IRAK2: variants seen among roughly 807,000 people sequenced by gnomAD.
IRAK2 encodes interleukin 1 receptor associated kinase 2, also known as interleukin-1 receptor-associated kinase-like 2.
Under a neutral mutation model 72.0 loss-of-function variants are expected in IRAK2, and 57 were observed. That is an observed-to-expected ratio of 0.79 (90% CI 0.64 to 0.99). IRAK2 has a LOEUF of 0.99. IRAK2 is among the 50% of genes least tolerant of loss of function. The pLI is 0.00. For missense variants in IRAK2, 790 were observed against 794.4 expected (o/e 0.99, Z 0.07); for synonymous variants, 293 against 312.7 (o/e 0.94, Z 0.67).
intron 1 of IRAK2, among the ~76,000 whole-genome samples, chr3:10,166,846 G>T (rs945506267): frequency 6.6e-6 from 1 of 152,170 alleles, no homozygotes; most frequent in Non-Finnish European, 1.5e-5. Context: ...GTTTCGCCAT[G>T]TTGGCCAGGC....
chr3:10,227,044 T>C (rs1697790673), intron 10 of IRAK2, among the ~76,000 whole-genome samples: 1 of 152,138 alleles, frequency 6.6e-6, no homozygotes, highest in African/African-American at 2.4e-5. Context: ...ATTAGGGATT[T>C]TCCTCAAATT....
chr3:10,217,080 ACCAGGCTGCAC>A, intron 7 of IRAK2, 32 bp downstream of exon 7: 3 of 1,454,018 alleles, frequency 2.1e-6, no homozygotes, highest in Non-Finnish European at 2.9e-6. Context: ...AGAGAATGGG[ACCAGGCTGCAC>A]CCAGCCATGG....
chr3:10,181,280 T>G (rs908778414), intron 2 of IRAK2, among the ~76,000 whole-genome samples: 1 of 151,876 alleles, frequency 6.6e-6, no homozygotes. Context: ...GCGAAAGTTG[T>G]CAGAATCAAT....
intron 1 of IRAK2, among the ~76,000 whole-genome samples, chr3:10,173,731 A>G (rs1397925548): frequency 6.6e-6 from 1 of 152,172 alleles, no homozygotes; most frequent in Admixed American, 6.5e-5. Flanking sequence ...AGGCTGAGGC[A>G]GGAGAATTGC....
rs1417945653 is a variant in IRAK2 at position 10,185,816 on chromosome 3, G to T, written c.277+7796G>T. Among the ~76,000 whole-genome samples, 4 of 151,482 alleles carry T rather than the reference G, an allele frequency of 2.6e-5. 1 individual carries two copies. The highest frequency in any genetic ancestry group is 9.8e-5 in the African/African-American group (4 of 40,798). On this transcript the variant is annotated intron_variant, in intron 2 of 12. Transcript: ENST00000256458. ...GCTTGAACCTGGGAGGTGGAGGTTT[G>T]CAGTGAGCTGAGATTGTGCCACTGC...
chr3:10,184,726 T>TG (rs1431370733), intron 2 of IRAK2, among the ~76,000 whole-genome samples: 1 of 51,844 alleles, frequency 1.9e-5, no homozygotes, highest in Non-Finnish European at 4.1e-5. Flanking sequence ...TTTGTGTGTT[T>TG]TTTTTTTTTT....
At chr3:10,181,733 C>A (rs1012746236) in intron 2 of IRAK2, among the ~76,000 whole-genome samples, 1 of 152,128 alleles carries the variant, frequency 6.6e-6, no homozygotes, top group South Asian at 2.1e-4. Flanking sequence ...CCATTGTAAC[C>A]ACACACAAAA....
intron 2 of IRAK2, among the ~76,000 whole-genome samples, chr3:10,191,061 G>A (rs946347863): frequency 6.6e-6 from 1 of 152,154 alleles, no homozygotes; most frequent in African/African-American, 2.4e-5. Context: ...TTGGGAGGCC[G>A]AGGCCGGCGG....
chr3:10,204,145 C>T (rs1697404424), intron 3 of IRAK2, among the ~76,000 whole-genome samples: 1 of 152,240 alleles, frequency 6.6e-6, no homozygotes, highest in South Asian at 2.1e-4. Context: ...GCATGTGTCA[C>T]AGCCTGACCT....
chr3:10,177,891 CG>C lies in IRAK2; in HGVS notation c.151del (p.Val51CysfsTer4). 6.2e-7 allele frequency: 1 copy of C among 1,613,754 alleles called. No individual in the cohort carries two copies. Among genetic ancestry groups the C allele is most frequent in the South Asian group, 1.1e-5 (1 of 91,088 alleles). ...GCTGCGGAAGATCAAGTCCATGGAG[CG>C]GGTGCAGGGTGTGAGCATCACGCGG... The part of the protein sequence containing the change: ...TQLRKIKSME[R>X]VQGVSITREL... On this transcript the variant is annotated frameshift_variant, in exon 2 of 13. Transcript: ENST00000256458. LOFTEE classifies it high-confidence loss of function.
chr3:10,188,270 T>A (rs1476358782), intron 2 of IRAK2, among the ~76,000 whole-genome samples: 2 of 152,296 alleles, frequency 1.3e-5, no homozygotes, highest in East Asian at 3.9e-4. Flanking sequence ...AAATTCTCCC[T>A]CTGCCCTGCC....
intron 10 of IRAK2, among the ~76,000 whole-genome samples, chr3:10,233,211 G>A (rs776515): frequency 6.6e-6 from 1 of 151,826 alleles, no homozygotes; most frequent in South Asian, 2.1e-4. Flanking sequence ...CGCCATGCCC[G>A]GCTAATTTTT....
intron 1 of IRAK2, 91 bp downstream of exon 1, chr3:10,165,139 C>A: frequency 9.2e-7 from 1 of 1,081,110 alleles, no homozygotes; most frequent in Non-Finnish European, 1.4e-6. Context: ...CTCGGGCACC[C>A]GGGTTCAGCG....
intron 2 of IRAK2, among the ~76,000 whole-genome samples, chr3:10,187,597 C>T (rs559698774): frequency 4.3e-4 from 66 of 151,968 alleles, no homozygotes; most frequent in African/African-American, 1.3e-3. Context: ...TAACTAAACT[C>T]GGGAAACCCC....
chr3:10,175,717 G>T (rs1015399626), intron 1 of IRAK2, among the ~76,000 whole-genome samples: 1 of 151,682 alleles, frequency 6.6e-6, no homozygotes, highest in Admixed American at 6.6e-5. Context: ...GTGAAACCTG[G>T]TCTCTACTAA....
chr3:10,187,986 C>G (rs1004197224), intron 2 of IRAK2, among the ~76,000 whole-genome samples: 1 of 152,152 alleles, frequency 6.6e-6, no homozygotes, highest in Non-Finnish European at 1.5e-5. Flanking sequence ...AGGGATTTTT[C>G]CAGATGACCA....
chr3:10,174,237 A>G (rs955268844), intron 1 of IRAK2, among the ~76,000 whole-genome samples: 7 of 152,144 alleles, frequency 4.6e-5, no homozygotes, highest in Non-Finnish European at 1.0e-4. Context: ...AGTGACTAAC[A>G]TAGCAATTTA....
intron 10 of IRAK2, among the ~76,000 whole-genome samples, chr3:10,232,478 T>C (rs987680974): frequency 6.6e-6 from 1 of 152,206 alleles, no homozygotes; most frequent in Non-Finnish European, 1.5e-5. Flanking sequence ...GTTAAGGTTT[T>C]AGTGCTAAGA....
chr3:10,217,300 A>T (rs1271745413), intron 7 of IRAK2, among the ~76,000 whole-genome samples: 2 of 152,220 alleles, frequency 1.3e-5, no homozygotes, highest in Non-Finnish European at 2.9e-5. Context: ...AAATATGAAA[A>T]AGAAAAAGAA....
Sources: gnomAD v4.1 joint callset for allele counts (sites outside exome capture counted in the v4.1 genomes callset) on GRCh38, gnomAD v4.1.1 for gene constraint, MANE v1.5 for transcripts, NCBI Gene and HGNC (gene_info 2026-07-23, HGNC 2026-07-21) for gene names.